DENND1B: variants seen among roughly 807,000 people sequenced by gnomAD.
DENND1B encodes DENN domain containing 1B.
A neutral mutation model predicts 90.1 loss-of-function variants in DENND1B; 59 were observed. The ratio of observed to expected loss-of-function variants is 0.65; its 90% confidence interval spans 0.53 to 0.81. The LOEUF (loss-of-function observed/expected upper bound fraction) is 0.81, where lower values mean the gene tolerates loss of function less well. Among genes scored for constraint, DENND1B ranks in the 40% least tolerant of loss-of-function variants. The pLI, the probability that DENND1B is intolerant of heterozygous loss-of-function variation, is 0.00. For synonymous variants in DENND1B, 337 were observed against 324.6 expected (o/e 1.04, Z -0.41); for missense variants, 862 against 912.6 (o/e 0.94, Z 0.71).
chr1:197,714,181 G>A (rs996968479), intron 3 of DENND1B, among the ~76,000 whole-genome samples: 16 of 151,116 alleles, frequency 1.1e-4, no homozygotes, highest in African/African-American at 3.9e-4. Flanking sequence ...CACCATGTTA[G>A]TCAGGCTGGT....
intron 16 of DENND1B, among the ~76,000 whole-genome samples, chr1:197,550,822 A>G (rs1671174115): frequency 6.6e-6 from 1 of 151,622 alleles, no homozygotes; most frequent in Non-Finnish European, 1.5e-5. Context: ...AAAAAAAAGG[A>G]AGTACCTCCT....
intron 20 of DENND1B, among the ~76,000 whole-genome samples, chr1:197,516,900 G>A (rs1208915695): frequency 6.6e-6 from 1 of 151,756 alleles, no homozygotes; most frequent in African/African-American, 2.4e-5. Flanking sequence ...TAACACAATT[G>A]GGTATAGTGA....
At chr1:197,756,935 A>G (rs1442762877) in intron 2 of DENND1B, among the ~76,000 whole-genome samples, 1 of 150,840 alleles carries the variant, frequency 6.6e-6, no homozygotes, top group African/African-American at 2.4e-5. Context: ...CTTTGGAGTC[A>G]GAAGTCCTCA....
At chr1:197,762,929 C>T (rs748999225) in intron 2 of DENND1B, among the ~76,000 whole-genome samples, 48 of 152,014 alleles carry the variant, frequency 3.2e-4, no homozygotes, top group Admixed American at 1.8e-3. Context: ...TATGTATACA[C>T]ACCACATTTT....
At chr1:197,633,940 C>T (rs1679555668) in intron 10 of DENND1B, among the ~76,000 whole-genome samples, 2 of 152,140 alleles carry the variant, frequency 1.3e-5, no homozygotes, top group Admixed American at 1.3e-4. Flanking sequence ...ACAGCTTCCC[C>T]AGTACCTCTC....
At chr1:197,565,515 T>A (rs1672562441) in intron 15 of DENND1B, among the ~76,000 whole-genome samples, 2 of 151,892 alleles carry the variant, frequency 1.3e-5, no homozygotes, top group African/African-American at 4.8e-5. Flanking sequence ...ATACTTTAAG[T>A]TTTAGGGTAC....
chr1:197,657,853 C>A (rs772423426), intron 6 of DENND1B, among the ~76,000 whole-genome samples: 13 of 152,230 alleles, frequency 8.5e-5, no homozygotes, highest in South Asian at 6.2e-4. Context: ...GGAAGCACCC[C>A]CAGTGTCCAT....
chr1:197,736,745 A>G (rs937217442), intron 2 of DENND1B, among the ~76,000 whole-genome samples: 2 of 152,210 alleles, frequency 1.3e-5, no homozygotes, highest in Admixed American at 1.3e-4. Flanking sequence ...AAATGCCCAT[A>G]CTGCATTCCT....
chr1:197,538,723 C>G (rs1023919466), intron 20 of DENND1B, among the ~76,000 whole-genome samples: 2 of 146,386 alleles, frequency 1.4e-5, no homozygotes, highest in African/African-American at 5.1e-5. Context: ...CTATCCTTTC[C>G]CATTCTTAAA....
chr1:197,609,197 A>C (rs959236977), intron 12 of DENND1B, among the ~76,000 whole-genome samples: 4 of 150,800 alleles, frequency 2.7e-5, no homozygotes, highest in African/African-American at 7.2e-5. Flanking sequence ...AAATAATATT[A>C]GACATAGACT....
chr1:197,525,643 C>CA lies in DENND1B; in HGVS notation c.1516-12691dup, dbSNP rs549685668. Among the ~76,000 whole-genome samples the CA allele has an allele frequency of 5.2e-4, 79 of 151,930 alleles. 1 individual carries two copies. The highest frequency in any genetic ancestry group is 1.7e-3 in the African/African-American group (71 of 41,502). ...CAATCACCTTAGTAAATTATGTTTT[C>CA]AAAAAATATACAGCTAAGGGTTAAA... On this transcript the variant is annotated intron_variant, in intron 20 of 22. Transcript: ENST00000620048.
intron 3 of DENND1B, among the ~76,000 whole-genome samples, chr1:197,684,780 C>A: frequency 6.6e-6 from 1 of 152,126 alleles, no homozygotes; most frequent in East Asian, 1.9e-4. Context: ...TAAACTGATT[C>A]TCACAGATGA....
intron 5 of DENND1B, among the ~76,000 whole-genome samples, chr1:197,664,010 T>TACACAC (rs10638441): frequency 3.3e-5 from 5 of 149,464 alleles, no homozygotes; most frequent in Non-Finnish European, 6.0e-5. Flanking sequence ...AACACACACA[T>TACACAC]ACACACACAC....
At chr1:197,750,035 T>A (rs1158475816) in intron 2 of DENND1B, among the ~76,000 whole-genome samples, 1 of 152,070 alleles carries the variant, frequency 6.6e-6, no homozygotes, top group Non-Finnish European at 1.5e-5. Flanking sequence ...TTTGTTGAGA[T>A]GAGGTCTCGC....
rs760774935 is a variant in DENND1B at position 197,645,726 on chromosome 1, G to T, written c.525C>A (p.Ala175=). Residue 175 remains alanine (A), a synonymous_variant, in exon 9 of 23, where the codon GCC becomes GCA. Coordinates refer to ENST00000620048, the MANE Select transcript of DENND1B (RefSeq NM_001195215.2). ...TTGTTGGGAGTCCAGTTACATCAGG[G>T]GCAATGAAGTAGGAATGCTAATCAA... ...PALVPHSYFI[A]PDVTGLPTIP... 2.5e-6 allele frequency: 4 copies of T among 1,570,804 alleles called. No individual in the cohort carries two copies. In the South Asian group the frequency reaches 3.7e-5, roughly 15 times the overall value.
chr1:197,552,357 G>C, intron 16 of DENND1B: 1 of 985,360 alleles, frequency 1.0e-6, no homozygotes, highest in Non-Finnish European at 1.2e-6. Flanking sequence ...GACATTTCAA[G>C]GACTCAAGCA....
intron 2 of DENND1B, among the ~76,000 whole-genome samples, chr1:197,755,582 C>G (rs1308550565): frequency 1.3e-5 from 2 of 152,160 alleles, no homozygotes; most frequent in East Asian, 1.9e-4. Context: ...ATAAGAATTT[C>G]CATTTTTTAA....
At chr1:197,776,903 T>G (rs1257624250), upstream of DENND1B, among the ~76,000 whole-genome samples, 4 of 152,122 alleles carry the variant, frequency 2.6e-5, no homozygotes, top group African/African-American at 7.2e-5. Flanking sequence ...GTTCCTACAT[T>G]TGTAAAATGG....
At chr1:197,636,400 G>A (rs1265974512) in intron 10 of DENND1B, among the ~76,000 whole-genome samples, 1 of 152,118 alleles carries the variant, frequency 6.6e-6, no homozygotes, top group Non-Finnish European at 1.5e-5. Context: ...AGAAGGTAAG[G>A]ATGCATTTGG....
Sources: allele counts gnomAD v4.1 joint callset (sites outside exome capture counted in the v4.1 genomes callset), GRCh38; gene constraint gnomAD v4.1.1; transcripts MANE v1.5; gene names NCBI Gene and HGNC (gene_info 2026-07-23, HGNC 2026-07-21).